The following CCDC192 variants were observed in gnomAD, a reference collection of about 807,000 sequenced individuals.
The protein encoded by CCDC192 is coiled-coil domain-containing protein 192.
At chr5:127,758,052 G>A (rs935391353) in intron 3 of CCDC192, among the ~76,000 whole-genome samples, 10 of 152,024 alleles carry the variant, frequency 6.6e-5, no homozygotes, top group African/African-American at 2.4e-4. Flanking sequence ...ATGAAGCAGT[G>A]GAAGCTTGCA....
At chr5:127,810,804 G>A (rs1561501682) in intron 5 of CCDC192, among the ~76,000 whole-genome samples, 1 of 152,140 alleles carries the variant, frequency 6.6e-6, no homozygotes, top group Non-Finnish European at 1.5e-5. Context: ...TGTGTCATGT[G>A]TTAGCAGAAA....
chr5:127,755,788 A>G (rs1434500308), intron 3 of CCDC192, among the ~76,000 whole-genome samples: 2 of 99,862 alleles, frequency 2.0e-5, no homozygotes, highest in Non-Finnish European at 4.0e-5. Context: ...CTAAGAAGGT[A>G]TATAGGATTT....
At chr5:127,798,589 T>A (rs1338071688) in intron 5 of CCDC192, among the ~76,000 whole-genome samples, 3 of 152,098 alleles carry the variant, frequency 2.0e-5, no homozygotes, top group Non-Finnish European at 4.4e-5. Flanking sequence ...TTACTCAGAT[T>A]CTGTTTCCTG....
chr5:127,891,496 G>A (rs749948425), intron 6 of CCDC192, among the ~76,000 whole-genome samples: 5 of 138,806 alleles, frequency 3.6e-5, no homozygotes, highest in Non-Finnish European at 6.3e-5. Context: ...GTGGAAGAAG[G>A]GTCCCTCCTC....
At chr5:127,752,546 G>A (rs1580596083) in intron 2 of CCDC192, among the ~76,000 whole-genome samples, 2 of 152,192 alleles carry the variant, frequency 1.3e-5, no homozygotes, top group East Asian at 3.8e-4. Flanking sequence ...TAAGTCTGCA[G>A]AGGTTACTGC....
At chr5:127,910,948 G>A (rs1486042216) in intron 6 of CCDC192, among the ~76,000 whole-genome samples, 4 of 151,446 alleles carry the variant, frequency 2.6e-5, no homozygotes, top group Non-Finnish European at 5.9e-5. Flanking sequence ...AATTTTATTA[G>A]ACATAAAAAA....
rs1007852942 is a variant in CCDC192 at position 127,941,299 on chromosome 5, C to G, written c.653C>G (p.Thr218Ser). The G allele has an allele frequency of 1.3e-5, 5 of 398,890 alleles. No individual in the cohort carries two copies. The highest frequency in any genetic ancestry group is 2.2e-5 in the Non-Finnish European group (5 of 226,078). 24.7% of individuals were successfully genotyped at this position (398,890 alleles called of 1,614,324 possible). A position where few individuals can be genotyped will look rare whatever the true frequency, so the allele number is the denominator to read the frequency against. ...TQVSLQTERI[T>S]QLKEVLEEKE... ...GTTTCCCTTCAGACTGAGAGAATTA[C>G]TCAGCTGAAAGAAGTTTTGGAGGAA... Residue 218 changes from threonine to serine, a missense_variant, in exon 7 of 7, where the codon ACT (threonine) becomes AGT (serine). Thr to Ser is a moderately conservative substitution (Grantham distance 58, BLOSUM62 1). Transcript: ENST00000514853.
At chr5:127,890,737 G>A (rs1391034969) in intron 6 of CCDC192, among the ~76,000 whole-genome samples, 1 of 152,076 alleles carries the variant, frequency 6.6e-6, no homozygotes, top group Non-Finnish European at 1.5e-5. Context: ...GACATTCAGG[G>A]CCCTCTATGA....
chr5:127,777,767 A>G (rs949378191), intron 3 of CCDC192, among the ~76,000 whole-genome samples: 6 of 152,214 alleles, frequency 3.9e-5, no homozygotes, highest in Admixed American at 2.6e-4. Flanking sequence ...GGCTTTATAA[A>G]TAAGAGTTCT....
At chr5:127,923,575 C>T (rs1753788883) in intron 6 of CCDC192, among the ~76,000 whole-genome samples, 1 of 152,156 alleles carries the variant, frequency 6.6e-6, no homozygotes, top group African/African-American at 2.4e-5. Flanking sequence ...GACGGGGTTT[C>T]ACCGTGTTAG....
chr5:127,752,887 T>C (rs1004836825), intron 2 of CCDC192, among the ~76,000 whole-genome samples: 50 of 152,304 alleles, frequency 3.3e-4, no homozygotes, highest in African/African-American at 1.1e-3. Context: ...CAGGTGCCGT[T>C]CGTCACCCCT....
intron 6 of CCDC192, among the ~76,000 whole-genome samples, chr5:127,881,311 C>T (rs1163990898): frequency 6.6e-6 from 1 of 152,130 alleles, no homozygotes; most frequent in African/African-American, 2.4e-5. Context: ...CATTTGTTAC[C>T]TAGATTAATA....
intron 3 of CCDC192, among the ~76,000 whole-genome samples, chr5:127,796,444 G>T (rs748794895): frequency 2.0e-5 from 3 of 152,272 alleles, no homozygotes; most frequent in Middle Eastern, 3.4e-3. Flanking sequence ...CTGTCAGAAT[G>T]AAAGGAGAAG....
chr5:127,921,004 TCCAGC>T (rs1753697194), intron 6 of CCDC192, among the ~76,000 whole-genome samples: 1 of 150,154 alleles, frequency 6.7e-6, no homozygotes, highest in Non-Finnish European at 1.5e-5. Flanking sequence ...ACCACTACAC[TCCAGC>T]CTGGGCATCA....
intron 3 of CCDC192, among the ~76,000 whole-genome samples, chr5:127,783,020 G>C (rs1756327856): frequency 6.7e-6 from 1 of 149,744 alleles, no homozygotes; most frequent in East Asian, 1.9e-4. Context: ...TTTTAAGACG[G>C]AGTTTCACTC....
intron 5 of CCDC192, among the ~76,000 whole-genome samples, chr5:127,870,788 G>A (rs766068643): frequency 2.6e-5 from 4 of 152,140 alleles, no homozygotes; most frequent in Admixed American, 6.5e-5. Flanking sequence ...ATATAAATAC[G>A]AAACATGTAA....
chr5:127,809,405 T>A (rs1461772500), intron 5 of CCDC192, among the ~76,000 whole-genome samples: 2 of 152,106 alleles, frequency 1.3e-5, no homozygotes, highest in African/African-American at 4.8e-5. Context: ...CAAAGGCAGA[T>A]CAAGGAAAAT....
rs1244672511 is a variant in CCDC192 at position 127,791,433 on chromosome 5, A to T, written c.223-5670A>T. ...CATCACAGAAGATGACAAAATAAGAAGTTCTAGGAACTGGTCCTGTCACAA... is the reference window on the plus strand; with the variant it reads ...CATCACAGAAGATGACAAAATAAGATGTTCTAGGAACTGGTCCTGTCACAA... On this transcript the variant is annotated intron_variant, in intron 3 of 6. Coordinates refer to ENST00000514853, the MANE Select transcript of CCDC192 (RefSeq NM_001317938.2). Among the ~76,000 whole-genome samples the T allele has an allele frequency of 3.3e-5, 5 of 152,230 alleles. No homozygotes were observed. In the East Asian group the frequency reaches 9.6e-4, roughly 29 times the overall value.
intron 5 of CCDC192, among the ~76,000 whole-genome samples, chr5:127,868,864 C>T (rs1580774439): frequency 6.6e-6 from 1 of 152,202 alleles, no homozygotes; most frequent in Admixed American, 6.5e-5. Flanking sequence ...GACACTGAGG[C>T]ATGCACAGCA....
Sources: allele counts gnomAD v4.1 joint callset (sites outside exome capture counted in the v4.1 genomes callset), GRCh38; gene constraint gnomAD v4.1.1; transcripts MANE v1.5; gene names NCBI Gene and HGNC (gene_info 2026-07-23, HGNC 2026-07-21).